The following CERS6 variants were observed in gnomAD, a reference collection of about 807,000 sequenced individuals.
CERS6 encodes LAG1 homolog, ceramide synthase 6.
CERS6 carries 26 observed loss-of-function variants against 56.8 expected under a neutral mutation model. That is an observed-to-expected ratio of 0.46 (90% CI 0.34 to 0.63). The LOEUF is 0.63. Ranked by LOEUF, CERS6 falls within the 30% of genes least tolerant of loss-of-function variation. The pLI is 0.01. For synonymous variants in CERS6, 164 were observed against 173.3 expected (o/e 0.95, Z 0.42); for missense variants, 415 against 467.5 (o/e 0.89, Z 1.04).
chr2:168,613,588 G>C (rs946689784), intron 3 of CERS6, among the ~76,000 whole-genome samples: 1 of 152,130 alleles, frequency 6.6e-6, no homozygotes, highest in Non-Finnish European at 1.5e-5. Context: ...AGAACTTAAC[G>C]GTCTGATTGT....
chr2:168,751,632 A>G lies in CERS6; in HGVS notation c.846-13960A>G, dbSNP rs75590134. Among the ~76,000 whole-genome samples, 11 of 152,014 alleles carry G rather than the reference A, an allele frequency of 7.2e-5. No homozygotes were observed. In the East Asian group the frequency reaches 7.7e-4, roughly 11 times the overall value. On this transcript the variant is annotated intron_variant, in intron 8 of 9. Transcript: ENST00000305747. ...TCTATGCAGTGTCTTCACACCTCCA[A>G]TCTCCTCTGATGGAAACCATCCCAC...
At chr2:168,749,071 C>G (rs1293574670) in intron 8 of CERS6, among the ~76,000 whole-genome samples, 4 of 151,588 alleles carry the variant, frequency 2.6e-5, no homozygotes, top group Non-Finnish European at 5.9e-5. Context: ...GAAGCACTCT[C>G]TCTCCTATAT....
intron 8 of CERS6, among the ~76,000 whole-genome samples, chr2:168,763,554 G>A (rs1240882188): frequency 6.6e-6 from 1 of 152,034 alleles, no homozygotes; most frequent in African/African-American, 2.4e-5. Context: ...GAGCCATCGT[G>A]CCTGGCCTGT....
At chr2:168,662,455 A>G (rs1428721100) in intron 4 of CERS6, among the ~76,000 whole-genome samples, 1 of 152,146 alleles carries the variant, frequency 6.6e-6, no homozygotes, top group Non-Finnish European at 1.5e-5. Flanking sequence ...AGGGCCAGGC[A>G]CGGTGGCTCA....
At chr2:168,564,463 T>C (rs1017663103) in intron 3 of CERS6, among the ~76,000 whole-genome samples, 1 of 152,224 alleles carries the variant, frequency 6.6e-6, no homozygotes, top group African/African-American at 2.4e-5. Context: ...AAATTATTTT[T>C]CTAAAATACT....
intron 4 of CERS6, among the ~76,000 whole-genome samples, chr2:168,679,975 C>T (rs747739076): frequency 6.6e-6 from 1 of 152,182 alleles, no homozygotes; most frequent in Non-Finnish European, 1.5e-5. Flanking sequence ...GAGCATGAAA[C>T]CGCAGGGAAG....
At chr2:168,741,129 A>C (rs1439308074) in intron 8 of CERS6, among the ~76,000 whole-genome samples, 1 of 152,204 alleles carries the variant, frequency 6.6e-6, no homozygotes, top group Non-Finnish European at 1.5e-5. Context: ...TTCAAATTCT[A>C]GTTCTACCAT....
intron 3 of CERS6, among the ~76,000 whole-genome samples, chr2:168,590,202 A>G (rs1442392757): frequency 1.3e-5 from 2 of 152,230 alleles, no homozygotes; most frequent in East Asian, 3.8e-4. Context: ...CTGGGCAACT[A>G]GGAGAGGATA....
At chr2:168,652,031 C>A (rs1163470581) in intron 4 of CERS6, among the ~76,000 whole-genome samples, 1 of 150,596 alleles carries the variant, frequency 6.6e-6, no homozygotes, top group East Asian at 1.9e-4. Context: ...CACTGCCCCC[C>A]ACCCCCTTTT....
chr2:168,504,986 A>G lies in CERS6; in HGVS notation c.171-42610A>G, dbSNP rs181522715. Among the ~76,000 whole-genome samples, 104 of 152,286 alleles carry G rather than the reference A, an allele frequency of 6.8e-4. 2 individuals are homozygous for G. The highest frequency in any genetic ancestry group is 5.8e-4 in the East Asian group (3 of 5,184). Reference sequence around the variant, plus strand: ...AAAGCCAGGTGCTGAGTGGCAACTGAGTAATTAGTGACAGACAAGGGAAAG... The same window carrying G: ...AAAGCCAGGTGCTGAGTGGCAACTGGGTAATTAGTGACAGACAAGGGAAAG... On this transcript the variant is annotated intron_variant, in intron 1 of 9. Transcript: ENST00000305747.
At chr2:168,470,212 CAAAAA>C (rs752453936) in intron 1 of CERS6, among the ~76,000 whole-genome samples, 18 of 105,662 alleles carry the variant, frequency 1.7e-4, no homozygotes, top group Admixed American at 1.1e-3. Context: ...CCAACTCTAC[CAAAAA>C]AAAAAAAAAA....
intron 4 of CERS6, among the ~76,000 whole-genome samples, chr2:168,666,260 C>T (rs1685758675): frequency 6.6e-6 from 1 of 152,164 alleles, no homozygotes; most frequent in Non-Finnish European, 1.5e-5. Flanking sequence ...TCCACCATTA[C>T]ACTGTCATGG....
intron 1 of CERS6, among the ~76,000 whole-genome samples, chr2:168,501,390 G>A (rs1351080861): frequency 6.6e-6 from 1 of 152,216 alleles, no homozygotes; most frequent in African/African-American, 2.4e-5. Flanking sequence ...ATAGTCAATA[G>A]GTTGGAGGTC....
rs35177635 is a variant in CERS6 at position 168,747,838 on chromosome 2, A to AACACACAC, written c.846-17743_846-17736dup. Reference sequence around the variant, plus strand: ...CACTTCCTACACACGCTCACACATAAACACACACACACACACACGCATTTG... The same window carrying AACACACAC: ...CACTTCCTACACACGCTCACACATAAACACACACACACACACACACACACACGCATTTG... On this transcript the variant is annotated intron_variant, in intron 8 of 9. Transcript: ENST00000305747. 1.7e-3 allele frequency among the ~76,000 whole-genome samples: 260 copies of AACACACAC among 150,044 alleles called. 2 individuals carry two copies. Among genetic ancestry groups the AACACACAC allele is most frequent in the African/African-American group, 5.6e-3 (227 of 40,614 alleles).
intron 8 of CERS6, among the ~76,000 whole-genome samples, chr2:168,750,886 T>C (rs183663858): frequency 1.3e-5 from 2 of 152,340 alleles, no homozygotes; most frequent in East Asian, 3.9e-4. Context: ...AGTAAGTTCT[T>C]TGAGGTTCAC....
intron 3 of CERS6, among the ~76,000 whole-genome samples, chr2:168,607,729 A>G (rs1684087198): frequency 6.6e-6 from 1 of 152,050 alleles, no homozygotes; most frequent in African/African-American, 2.4e-5. Context: ...CAGTCTTTTC[A>G]GGGGTTAATA....
At chr2:168,706,980 A>T (rs902967633) in intron 6 of CERS6, among the ~76,000 whole-genome samples, 1 of 152,248 alleles carries the variant, frequency 6.6e-6, no homozygotes. Flanking sequence ...CTGTATTCCA[A>T]TAAAACTTTA....
chr2:168,468,879 C>T (rs1693929093), intron 1 of CERS6, among the ~76,000 whole-genome samples: 1 of 105,528 alleles, frequency 9.5e-6, no homozygotes, highest in Non-Finnish European at 1.9e-5. Flanking sequence ...GGGCTTTGTC[C>T]ACTTCACACT....
chr2:168,509,512 C>T (rs1047616346), intron 1 of CERS6, among the ~76,000 whole-genome samples: 1 of 152,158 alleles, frequency 6.6e-6, no homozygotes. Context: ...GACCTGCATC[C>T]TGACCCTGCC....
Sources: allele counts gnomAD v4.1 joint callset (sites outside exome capture counted in the v4.1 genomes callset), GRCh38; gene constraint gnomAD v4.1.1; transcripts MANE v1.5; gene names NCBI Gene and HGNC (gene_info 2026-07-23, HGNC 2026-07-21).